GALNT10: variants seen among roughly 807,000 people sequenced by gnomAD.
GALNT10 encodes the protein polypeptide N-acetylgalactosaminyltransferase 10.
GALNT10 carries 41 observed loss-of-function variants against 75.0 expected under a neutral mutation model. That is an observed-to-expected ratio of 0.55 (90% CI 0.43 to 0.71). The LOEUF (loss-of-function observed/expected upper bound fraction) is 0.71, where lower values mean the gene tolerates loss of function less well. Ranked by LOEUF, GALNT10 falls within the 30% of genes least tolerant of loss-of-function variation. GALNT10 has a pLI of 0.00. For missense variants in GALNT10, 727 were observed against 818.5 expected, an observed-to-expected ratio of 0.89 and a Z score of 1.36; for synonymous variants, 302 against 313.0, an observed-to-expected ratio of 0.96 and a Z score of 0.37.
intron 6 of GALNT10, among the ~76,000 whole-genome samples, chr5:154,381,544 C>T (rs1755735223): frequency 6.6e-6 from 1 of 152,230 alleles, no homozygotes; most frequent in South Asian, 2.1e-4. Context: ...TGATAAATTA[C>T]TATAAACTTA....
chr5:154,415,144 A>G (rs1237875542), intron 10 of GALNT10, among the ~76,000 whole-genome samples: 1 of 152,150 alleles, frequency 6.6e-6, no homozygotes, highest in East Asian at 1.9e-4. Context: ...CAAAAAAAAG[A>G]ATCCCAAGAA....
chr5:154,284,619 T>G (rs1014048713), intron 1 of GALNT10, among the ~76,000 whole-genome samples: 2 of 152,218 alleles, frequency 1.3e-5, no homozygotes, highest in African/African-American at 4.8e-5. Flanking sequence ...AAGAGCACTT[T>G]CTAGGGGCTT....
At chr5:154,326,821 G>A (rs919064004) in intron 3 of GALNT10, among the ~76,000 whole-genome samples, 18 of 151,928 alleles carry the variant, frequency 1.2e-4, no homozygotes, top group Non-Finnish European at 2.4e-4. Flanking sequence ...ATTAGACAGT[G>A]GTTATATTTG....
intron 1 of GALNT10, among the ~76,000 whole-genome samples, chr5:154,291,214 G>A (rs1754190224): frequency 6.6e-6 from 1 of 152,116 alleles, no homozygotes; most frequent in Admixed American, 6.6e-5. Context: ...AAAACAGTGA[G>A]ATTTATCCCT....
Position 154,291,210 on chromosome 5 carries a change from G to T in GALNT10, c.160-3606G>T, listed in dbSNP as rs150807218. On this transcript the variant is annotated intron_variant, in intron 1 of 11. Coordinates refer to ENST00000297107, the MANE Select transcript of GALNT10 (RefSeq NM_198321.4). The stretch of plus-strand genomic sequence containing the variant: ...GGTTTACTTCTGTGAGGTCAAAACA[G>T]TGAGATTTATCCCTGTACCCCATTC... Among the ~76,000 whole-genome samples the T allele has an allele frequency of 1.8e-4, 27 of 152,288 alleles. No individual in the cohort carries two copies. In the East Asian group the frequency reaches 5.0e-3, roughly 28 times the overall value.
At chr5:154,215,555 G>A (rs1238625208) in intron 1 of GALNT10, among the ~76,000 whole-genome samples, 2 of 152,200 alleles carry the variant, frequency 1.3e-5, no homozygotes, top group African/African-American at 4.8e-5. Flanking sequence ...CAGGGATGTG[G>A]AGGTCACCAC....
At chr5:154,307,847 G>T (rs936337321) in intron 3 of GALNT10, among the ~76,000 whole-genome samples, 3 of 151,496 alleles carry the variant, frequency 2.0e-5, no homozygotes, top group Non-Finnish European at 4.4e-5. Flanking sequence ...GAAGATCAAA[G>T]GATAAAGAGG....
At chr5:154,360,100 C>T (rs1028753231) in intron 4 of GALNT10, among the ~76,000 whole-genome samples, 1 of 151,984 alleles carries the variant, frequency 6.6e-6, no homozygotes, top group African/African-American at 2.4e-5. Flanking sequence ...CATCAGTAGG[C>T]TAAGGGAAAT....
At chr5:154,393,082 A>G (rs996612495) in intron 7 of GALNT10, 73 of 144,548 alleles carry the variant, frequency 5.1e-4, no homozygotes, top group African/African-American at 1.7e-3. Flanking sequence ...AAAAAAACCC[A>G]TTTTTTTTCA....
chr5:154,267,288 C>A (rs1057168416), intron 1 of GALNT10, among the ~76,000 whole-genome samples: 5 of 152,162 alleles, frequency 3.3e-5, no homozygotes, highest in Non-Finnish European at 2.9e-5. Flanking sequence ...CTGCTCTAAG[C>A]ACATGATGTT....
At chr5:154,337,962 T>C (rs1261427631) in intron 4 of GALNT10, 3 of 1,576,588 alleles carry the variant, frequency 1.9e-6, no homozygotes, top group East Asian at 2.2e-5. Flanking sequence ...CACGGAGTCA[T>C]GGTCGTCAAA....
chr5:154,257,381 A>C (rs1313011801), intron 1 of GALNT10, among the ~76,000 whole-genome samples: 2 of 152,190 alleles, frequency 1.3e-5, no homozygotes, highest in African/African-American at 4.8e-5. Context: ...TGAGTTTTAG[A>C]GATTAGAAAA....
At chr5:154,195,992 G>A (rs186684352) in intron 1 of GALNT10, among the ~76,000 whole-genome samples, 5 of 151,878 alleles carry the variant, frequency 3.3e-5, no homozygotes, top group East Asian at 1.9e-4. Flanking sequence ...GCGTGATCTC[G>A]GCCCATCGCA....
chr5:154,224,779 T>C (rs1353006768), intron 1 of GALNT10, among the ~76,000 whole-genome samples: 2 of 57,406 alleles, frequency 3.5e-5, no homozygotes, highest in Non-Finnish European at 8.9e-5. Flanking sequence ...AGCTCACTTC[T>C]TTTTTTTTTT....
chr5:154,280,367 A>G (rs1236862952), intron 1 of GALNT10, among the ~76,000 whole-genome samples: 1 of 152,220 alleles, frequency 6.6e-6, no homozygotes, highest in Non-Finnish European at 1.5e-5. Context: ...TGTAGTAAAC[A>G]ATAATTTATT....
At chr5:154,214,849 A>T (rs537769049) in intron 1 of GALNT10, among the ~76,000 whole-genome samples, 1 of 152,354 alleles carries the variant, frequency 6.6e-6, no homozygotes, top group Admixed American at 6.5e-5. Flanking sequence ...GTCAGCAATT[A>T]CTGCTTTCCA....
chr5:154,291,239 G>A (rs1215815635), intron 1 of GALNT10, among the ~76,000 whole-genome samples: 1 of 152,142 alleles, frequency 6.6e-6, no homozygotes, highest in Non-Finnish European at 1.5e-5. Flanking sequence ...CCCATTCCCA[G>A]TAGCACTGGA....
intron 4 of GALNT10, among the ~76,000 whole-genome samples, chr5:154,342,623 G>T (rs1755051628): frequency 6.6e-6 from 1 of 152,210 alleles, no homozygotes; most frequent in Non-Finnish European, 1.5e-5. Context: ...GATTTGGATA[G>T]TGATGTCTTT....
chr5:154,360,861 T>A (rs1755375038), intron 4 of GALNT10, among the ~76,000 whole-genome samples: 1 of 152,242 alleles, frequency 6.6e-6, no homozygotes, highest in South Asian at 2.1e-4. Flanking sequence ...CTGAAATGTT[T>A]TAGAGATTTA....
Sources: allele counts gnomAD v4.1 joint callset (sites outside exome capture counted in the v4.1 genomes callset), GRCh38; gene constraint gnomAD v4.1.1; transcripts MANE v1.5; gene names NCBI Gene and HGNC (gene_info 2026-07-23, HGNC 2026-07-21).